PTPN6: variants seen among roughly 807,000 people sequenced by gnomAD.
PTPN6 encodes protein tyrosine phosphatase non-receptor type 6, also known as tyrosine-protein phosphatase non-receptor type 6.
Under a neutral mutation model 81.5 loss-of-function variants are expected in PTPN6, and 18 were observed. That is an observed-to-expected ratio of 0.22 (90% CI 0.15 to 0.33). The LOEUF (loss-of-function observed/expected upper bound fraction) is 0.33. PTPN6 is among the 10% of genes least tolerant of loss of function. The pLI, the probability that PTPN6 is intolerant of heterozygous loss-of-function variation, is 1.00. For missense variants in PTPN6, 500 were observed against 794.2 expected (o/e 0.63, Z 4.45); for synonymous variants, 301 against 310.9 (o/e 0.97, Z 0.33).
chr12:6,959,973 A>G lies in PTPN6; in HGVS notation c.1408A>G (p.Met470Val). The change falls in exon 12 of 16, where the codon ATG (methionine) becomes GTG (valine). Residue 470 changes from methionine (M) to valine (V), a missense_variant. By Grantham distance (21) the Met-to-Val change is conservative. Around this residue, in one of 6 missense-constraint regions of PTPN6, gnomAD observed 226 missense variants for 364.4 expected, o/e 0.62. Transcript: ENST00000318974. The surrounding 1 kb of genome is among the most constrained non-coding windows in gnomAD (Gnocchi z 6.6). ...TGTIIVIDML[M>V]ENISTKGLDC... Reference sequence around the variant, plus strand: ...CACCATCATTGTCATCGACATGCTCATGGAGAACATCTCCACCAAGGGTGA... The same window carrying G: ...CACCATCATTGTCATCGACATGCTCGTGGAGAACATCTCCACCAAGGGTGA... The G allele has an allele frequency of 6.7e-7, 1 of 1,499,336 alleles. No individual in the cohort carries two copies. The highest frequency in any genetic ancestry group is 9.0e-7 in the Non-Finnish European group (1 of 1,109,528). 92.9% of individuals were successfully genotyped at this position (1,499,336 alleles called of 1,614,324 possible). A position where few individuals can be genotyped will look rare whatever the true frequency, so the allele number is the denominator to read the frequency against.
upstream of PTPN6, chr12:6,946,798 C>T: frequency 6.5e-7 from 1 of 1,530,680 alleles, no homozygotes; most frequent in Non-Finnish European, 9.0e-7. Flanking sequence ...GGAGGGAGGG[C>T]TTTGTTGATG....
chr12:6,958,780 G>A (rs1946077952), intron 11 of PTPN6, among the ~76,000 whole-genome samples: 2 of 152,204 alleles, frequency 1.3e-5, no homozygotes, highest in Admixed American at 6.5e-5. Context: ...GAGGCAGTGG[G>A]TGCAGGGCCC....
At chr12:6,958,758 C>T (rs1354189570) in intron 11 of PTPN6, among the ~76,000 whole-genome samples, 1 of 152,218 alleles carries the variant, frequency 6.6e-6, no homozygotes, top group Non-Finnish European at 1.5e-5. Context: ...CTGGCCTGGC[C>T]TGGGTGGATG....
chr12:6,953,126 T>C (rs1172011855), intron 3 of PTPN6: 3 of 152,010 alleles, frequency 2.0e-5, no homozygotes, highest in African/African-American at 7.3e-5. Context: ...GATTGAAACT[T>C]AGAGCTGGAT....
chr12:6,957,558 G>T lies in PTPN6; in HGVS notation c.1075-96G>T. Reference sequence around the variant, plus strand: ...CCATCCGTCCATCCAACAAATGTTTGGGCCGGTGCCAGGCACTCAGAACAT... The same window carrying T: ...CCATCCGTCCATCCAACAAATGTTTTGGCCGGTGCCAGGCACTCAGAACAT... On this transcript the variant is annotated intron_variant, in intron 9 of 15. Coordinates refer to ENST00000318974, the MANE Select transcript of PTPN6 (RefSeq NM_002831.6). This position sits in a 1 kb window ranked among gnomAD's most constrained non-coding sequence, Gnocchi z 6.5. 1 of 1,470,036 alleles carries T rather than the reference G, an allele frequency of 6.8e-7. No homozygotes were observed. The highest frequency in any genetic ancestry group is 2.4e-5 in the East Asian group (1 of 41,806). 91.1% of individuals were successfully genotyped at this position (1,470,036 alleles called of 1,614,324 possible).
At chr12:6,951,140 T>A, upstream of PTPN6, 4 of 1,008,846 alleles carry the variant, frequency 4.0e-6, no homozygotes, top group Non-Finnish European at 5.3e-6. This position sits in a 1 kb window ranked among gnomAD's most constrained non-coding sequence, Gnocchi z 7.2. Context: ...AAGGCACACA[T>A]GTGTCCTTAC....
In PTPN6 at chr12:6,961,301, C is replaced by T. The variant is rs868918110; in HGVS notation, c.*201C>T. 2 of 311,832 alleles carry T rather than the reference C, an allele frequency of 6.4e-6. No individual in the cohort carries two copies. Among genetic ancestry groups the T allele is most frequent in the Admixed American group, 4.1e-5 (1 of 24,590 alleles). 19.3% of individuals were successfully genotyped at this position (311,832 alleles called of 1,614,324 possible). A position where few individuals can be genotyped will look rare whatever the true frequency, so the allele number is the denominator to read the frequency against. On this transcript the variant is annotated 3_prime_UTR_variant, in exon 16 of 16. Transcript: ENST00000318974. ...AACCCTTCTCCTCTTGTAAATAAAG[C>T]CCTGGGATCACTGTGTGTCGCCTCT...
rs782767600 is a variant in PTPN6 at position 6,952,554 on chromosome 12, G to A, written c.326+377G>A. 17 of 354,766 alleles carry A rather than the reference G, an allele frequency of 4.8e-5. No homozygotes were observed. Among genetic ancestry groups the A allele is most frequent in the Non-Finnish European group, 9.2e-5 (17 of 184,038 alleles). 22.0% of individuals were successfully genotyped at this position (354,766 alleles called of 1,614,324 possible). A position where few individuals can be genotyped will look rare whatever the true frequency, so the allele number is the denominator to read the frequency against. On this transcript the variant is annotated intron_variant, in intron 3 of 15. Transcript: ENST00000318974. This position sits in a 1 kb window ranked among gnomAD's most constrained non-coding sequence, Gnocchi z 8.1. ...TCTGGAATCGAGCCTGCCTTCCTCC[G>A]TCTGCCCCTCACCCCAGCACATGTT... is the stretch of plus-strand genomic sequence containing the variant.
rs73262896 is a variant in PTPN6 at position 6,959,862 on chromosome 12, G to A, written c.1362-65G>A. 6,343 of 1,560,556 alleles carry A rather than the reference G, an allele frequency of 4.1e-3. 172 individuals carry two copies. In the African/African-American group the frequency reaches 0.063, roughly 16 times the overall value. On this transcript the variant is annotated intron_variant, in intron 11 of 15. Transcript: ENST00000318974. This position sits in a 1 kb window ranked among gnomAD's most constrained non-coding sequence, Gnocchi z 6.6. ...GTGGTGCCTGGGGCTGGAGCTGAGCGCTGGGTACCCCCCTTCCCGGGGAGG... is the reference window on the plus strand; with the variant it reads ...GTGGTGCCTGGGGCTGGAGCTGAGCACTGGGTACCCCCCTTCCCGGGGAGG...
Position 6,960,518 on chromosome 12 carries a change from G to A in PTPN6, c.1673+83G>A, listed in dbSNP as rs1191117603. 5 of 1,493,152 alleles carry A rather than the reference G, an allele frequency of 3.3e-6. No homozygotes were observed. The Admixed American group carries it at 5.6e-5, about 17-fold the overall frequency. The allele number at this position is 1,493,152 out of a possible 1,614,324, so 92.5% of individuals were successfully genotyped here. ...TCCTCACTTTCTGGAGAGGACAAGT[G>A]TTGCAGCTGGGGGGACCTGGCTTCA... On this transcript the variant is annotated intron_variant, in intron 14 of 15. Coordinates refer to ENST00000318974, the MANE Select transcript of PTPN6 (RefSeq NM_002831.6). The surrounding 1 kb of genome is among the most constrained non-coding windows in gnomAD (Gnocchi z 6.1).
At chr12:6,951,138 CAT>C (rs139970692), upstream of PTPN6, 1,575 of 985,688 alleles carry the variant, frequency 1.6e-3, 16 homozygotes, top group African/African-American at 0.023. This position sits in a 1 kb window ranked among gnomAD's most constrained non-coding sequence, Gnocchi z 7.2. Context: ...GCAAGGCACA[CAT>C]GTGTCCTTAC....
In PTPN6 at chr12:6,954,693, A is replaced by G; in HGVS notation, c.327-112A>G. On this transcript the variant is annotated intron_variant, in intron 3 of 15. Coordinates refer to ENST00000318974, the MANE Select transcript of PTPN6 (RefSeq NM_002831.6). This position sits in a 1 kb window ranked among gnomAD's most constrained non-coding sequence, Gnocchi z 5.4. Reference sequence around the variant, plus strand: ...TGGTGGATTTGGAAGCATGTAGCGCAGTGCCTGGCACACAGTAGGTGCTTG... The same window carrying G: ...TGGTGGATTTGGAAGCATGTAGCGCGGTGCCTGGCACACAGTAGGTGCTTG... The G allele has an allele frequency of 9.4e-7, 1 of 1,062,972 alleles. No homozygotes were observed. Among genetic ancestry groups the G allele is most frequent in the Non-Finnish European group, 1.4e-6 (1 of 719,986 alleles). 65.8% of individuals were successfully genotyped at this position (1,062,972 alleles called of 1,614,324 possible).
upstream of PTPN6, chr12:6,951,133 G>A: frequency 2.2e-6 from 2 of 923,020 alleles, no homozygotes; most frequent in Non-Finnish European, 2.9e-6. The surrounding 1 kb of genome is among the most constrained non-coding windows in gnomAD (Gnocchi z 7.2). Context: ...AGTGTGCAAG[G>A]CACACATGTG....
At chr12:6,946,657 CA>C, upstream of PTPN6, 1 of 1,366,784 alleles carries the variant, frequency 7.3e-7, no homozygotes, top group African/African-American at 1.4e-5. Context: ...CCACTGTGCA[CA>C]GCTGTGCCGC....
At position 6,951,697 on chromosome 12, in the gene PTPN6, C is replaced by T. The variant is rs782523221; in HGVS notation, c.97C>T (p.Arg33Cys). ...CGGTAGCTTCCTGGCTCGGCCCAGT[C>T]GCAAGAACCAGGGTGACTTCTCGCT... Reference protein sequence around the residue: ...VHGSFLARPSRKNQGDFSLSV... With the variant: ...VHGSFLARPSCKNQGDFSLSV... Residue 33 changes from arginine to cysteine, a missense_variant, in exon 2 of 16, where the codon CGC (arginine) becomes TGC (cysteine). By Grantham distance (180) the Arg-to-Cys change is radical. Coordinates refer to ENST00000318974, the MANE Select transcript of PTPN6 (RefSeq NM_002831.6). The surrounding 1 kb of genome is among the most constrained non-coding windows in gnomAD (Gnocchi z 7.2). 2.5e-6 allele frequency: 4 copies of T among 1,613,496 alleles called. No homozygotes were observed. The highest frequency in any genetic ancestry group is 1.1e-5 in the South Asian group (1 of 91,066).
At position 6,952,443 on chromosome 12, in the gene PTPN6, C is replaced by T; in HGVS notation, c.326+266C>T. ...ACTCCGGGAGCCCTGGCCGCTGCAA[C>T]CCAGGTCCCACTGGAGACAGGGAGG... On this transcript the variant is annotated intron_variant, in intron 3 of 15. Transcript: ENST00000318974. This position sits in a 1 kb window ranked among gnomAD's most constrained non-coding sequence, Gnocchi z 8.1. 3.6e-6 allele frequency: 2 copies of T among 548,340 alleles called. No individual in the cohort carries two copies. Among genetic ancestry groups the T allele is most frequent in the Non-Finnish European group, 6.6e-6 (2 of 303,962 alleles). The allele number at this position is 548,340 out of a possible 1,614,324, so 34.0% of individuals were successfully genotyped here. A position where few individuals can be genotyped will look rare whatever the true frequency, so the allele number is the denominator to read the frequency against.
chr12:6,949,005 TG>T (rs1945882037), upstream of PTPN6, among the ~76,000 whole-genome samples: 1 of 151,824 alleles, frequency 6.6e-6, no homozygotes, highest in South Asian at 2.1e-4. Flanking sequence ...CTGGCGAGTT[TG>T]TGGGTGGGTG....
chr12:6,954,300 G>T lies in PTPN6; in HGVS notation c.327-505G>T, dbSNP rs190655694. ...TCCCTGTGGTGTGGCCTCGGTCTGC[G>T]TTTCTCTTTGCCTCTGGTCTCTGCT... On this transcript the variant is annotated intron_variant, in intron 3 of 15. Transcript: ENST00000318974. This position sits in a 1 kb window ranked among gnomAD's most constrained non-coding sequence, Gnocchi z 5.4. Among the ~76,000 whole-genome samples, 44 of 151,930 alleles carry T rather than the reference G, an allele frequency of 2.9e-4. No individual in the cohort carries two copies. The highest frequency in any genetic ancestry group is 1.1e-3 in the African/African-American group (44 of 41,180).
At position 6,956,469 on chromosome 12, in the gene PTPN6, G is replaced by A; in HGVS notation, c.975G>A (p.Gln325=). Residue 325 remains glutamine, a synonymous_variant, in exon 9 of 16, where the codon CAG becomes CAA. Coordinates refer to ENST00000318974, the MANE Select transcript of PTPN6 (RefSeq NM_002831.6). The surrounding 1 kb of genome is among the most constrained non-coding windows in gnomAD (Gnocchi z 4.1). ...DENAKTYIAS[Q]GCLEATVNDF... ...ACGCTAAGACCTACATCGCCAGCCAGGGTTGTCTGGAGGCCACGGTCAATG... is the reference window on the plus strand; with the variant it reads ...ACGCTAAGACCTACATCGCCAGCCAAGGTTGTCTGGAGGCCACGGTCAATG... 9 of 1,614,110 alleles carry A rather than the reference G, an allele frequency of 5.6e-6. No homozygotes were observed. Among genetic ancestry groups the A allele is most frequent in the Non-Finnish European group, 7.6e-6 (9 of 1,180,022 alleles).
Sources: gnomAD v4.1 joint callset for allele counts (sites outside exome capture counted in the v4.1 genomes callset) on GRCh38, gnomAD v4.1.1 for gene constraint, gnomAD v4.1.1 regional missense constraint, Gnocchi (gnomAD v3.1) non-coding constraint, MANE v1.5 for transcripts, NCBI Gene and HGNC (gene_info 2026-07-23, HGNC 2026-07-21) for gene names.